DOCK7: variants seen among roughly 807,000 people sequenced by gnomAD.
The protein encoded by DOCK7 is dedicator of cytokinesis 7.
DOCK7 carries 138 observed loss-of-function variants against 271.0 expected under a neutral mutation model. That is an observed-to-expected ratio of 0.51 (90% CI 0.44 to 0.59). The LOEUF (loss-of-function observed/expected upper bound fraction) is 0.59. DOCK7 is among the 20% of genes least tolerant of loss of function. DOCK7 has a pLI of 0.00. For synonymous variants in DOCK7, 823 were observed against 876.1 expected (o/e 0.94, Z 1.07); for missense variants, 2,066 against 2,592.4 (o/e 0.80, Z 4.41).
intron 25 of DOCK7, among the ~76,000 whole-genome samples, chr1:62,540,888 C>A (rs1454187848): frequency 6.6e-6 from 1 of 151,880 alleles, no homozygotes; most frequent in Admixed American, 6.6e-5. Flanking sequence ...CAGAGATGTA[C>A]ATGAATTACG....
intron 1 of DOCK7, among the ~76,000 whole-genome samples, chr1:62,675,563 A>G (rs145293936): frequency 0.037 from 5,669 of 152,232 alleles, 257 homozygotes; most frequent in African/African-American, 0.11. Context: ...CGGGCGGATC[A>G]TGAGGTCAGG....
chr1:62,639,133 T>C (rs1184914102), intron 7 of DOCK7, among the ~76,000 whole-genome samples: 1 of 152,160 alleles, frequency 6.6e-6, no homozygotes, highest in Non-Finnish European at 1.5e-5. Context: ...AGTTTCATAC[T>C]AGTCTTGATA....
In DOCK7 at chr1:62,675,554, G is replaced by A. The variant is rs368175226; in HGVS notation, c.39-12424C>T. Among the ~76,000 whole-genome samples the A allele has an allele frequency of 2.8e-3, 420 of 152,234 alleles. 3 individuals are homozygous for A. Among genetic ancestry groups the A allele is most frequent in the African/African-American group, 9.5e-3 (396 of 41,548 alleles). ...TCCCAGCACTTTGGGAGGCCGAGGC[G>A]GGCGGATCATGAGGTCAGGAGATCA... On this transcript the variant is annotated intron_variant, in intron 1 of 49. Transcript: ENST00000635253.
intron 15 of DOCK7, chr1:62,584,051 C>T: frequency 1.4e-6 from 1 of 715,076 alleles, no homozygotes; most frequent in Non-Finnish European, 1.7e-6. Context: ...GCCATCTTTA[C>T]ATATGCATGA....
chr1:62,555,036 T>G (rs1157093320), intron 21 of DOCK7, among the ~76,000 whole-genome samples: 1 of 152,166 alleles, frequency 6.6e-6, no homozygotes, highest in African/African-American at 2.4e-5. Flanking sequence ...CATACAGACA[T>G]GTATGTGAGT....
At chr1:62,579,923 T>G (rs763874986) in intron 16 of DOCK7, among the ~76,000 whole-genome samples, 23 of 152,200 alleles carry the variant, frequency 1.5e-4, no homozygotes, top group African/African-American at 5.3e-4. Flanking sequence ...AATATCTTGT[T>G]TGACCAAACC....
chr1:62,567,074 C>G lies in DOCK7; in HGVS notation c.2113-5371G>C, dbSNP rs146591438. On this transcript the variant is annotated intron_variant, in intron 18 of 49. Transcript: ENST00000635253. ...AGATGCTGGACAGGATGTGGAGAAACAGGAACACTTTTGCACTGTTGGTGG... is the reference window on the plus strand; with the variant it reads ...AGATGCTGGACAGGATGTGGAGAAAGAGGAACACTTTTGCACTGTTGGTGG... Among the ~76,000 whole-genome samples, 5 of 152,246 alleles carry G rather than the reference C, an allele frequency of 3.3e-5. No homozygotes were observed. The South Asian group carries it at 1.0e-3, about 32-fold the overall frequency.
Position 62,553,394 on chromosome 1 carries a change from G to A in DOCK7, c.2597-493C>T, listed in dbSNP as rs1366532331. ...TTTTTTTTTTTTTTTTTAATAGGCA[G>A]GTGCCATTTTTTTTTTTATTAAGAG... On this transcript the variant is annotated intron_variant, in intron 21 of 49. Coordinates refer to ENST00000635253, the MANE Select transcript of DOCK7 (RefSeq NM_001367561.1). Among the ~76,000 whole-genome samples, 2 of 4,008 alleles carry A rather than the reference G, an allele frequency of 5.0e-4. 1 individual carries two copies. The highest frequency in any genetic ancestry group is 1.1e-3 in the African/African-American group (2 of 1,742). 2.6% of individuals were successfully genotyped at this position (4,008 alleles called of 152,430 possible). A position where few individuals can be genotyped will look rare whatever the true frequency, so the allele number is the denominator to read the frequency against.
intron 2 of DOCK7, among the ~76,000 whole-genome samples, chr1:62,661,959 T>C (rs912752578): frequency 3.3e-5 from 5 of 152,184 alleles, no homozygotes; most frequent in South Asian, 2.1e-4. Context: ...CAAAAATCCA[T>C]ATATTCTAAA....
chr1:62,604,329 C>A, intron 14 of DOCK7: 1 of 1,485,386 alleles, frequency 6.7e-7, no homozygotes, highest in South Asian at 1.2e-5. Flanking sequence ...TTTTAAAAAT[C>A]CGAATCCCAA....
At position 62,662,064 on chromosome 1, in the gene DOCK7, CTGT is replaced by C. The variant is rs1174403826; in HGVS notation, c.144+958_144+960del. Among the ~76,000 whole-genome samples the C allele has an allele frequency of 2.0e-5, 3 of 152,170 alleles. No homozygotes were observed. The South Asian group carries it at 6.2e-4, about 32-fold the overall frequency. On this transcript the variant is annotated intron_variant, in intron 2 of 49. Transcript: ENST00000635253. ...ATTATATCATTATAAGTCGATCAAA[CTGT>C]TATTTCCCAGTTTGTTCAATAACAC... is the stretch of plus-strand genomic sequence containing the variant.
intron 25 of DOCK7, among the ~76,000 whole-genome samples, chr1:62,541,670 C>T (rs573471409): frequency 1.2e-4 from 18 of 152,150 alleles, no homozygotes; most frequent in African/African-American, 4.3e-4. Context: ...GATTATGTTA[C>T]CAGTAAGGCA....
intron 14 of DOCK7, chr1:62,604,685 T>A: frequency 6.2e-7 from 1 of 1,613,124 alleles, no homozygotes; most frequent in Admixed American, 1.7e-5. Flanking sequence ...ATGGTAAATA[T>A]AACAAACCAA....
At chr1:62,598,041 C>A in intron 14 of DOCK7, 1 of 1,585,220 alleles carries the variant, frequency 6.3e-7, no homozygotes, top group East Asian at 2.3e-5. Context: ...TCCAGAACAC[C>A]CAGAAGTAAC....
chr1:62,576,472 G>A (rs1017425960), intron 18 of DOCK7, among the ~76,000 whole-genome samples: 1 of 152,224 alleles, frequency 6.6e-6, no homozygotes, highest in African/African-American at 2.4e-5. Flanking sequence ...GTGAGTGACA[G>A]AGAACAGTGA....
chr1:62,535,448 C>G (rs767544698), intron 29 of DOCK7, 45 bp downstream of exon 29: 14 of 1,572,628 alleles, frequency 8.9e-6, no homozygotes, highest in Middle Eastern at 1.7e-4. Flanking sequence ...GTCCACTGTT[C>G]AAAATCAAAC....
chr1:62,509,176 G>C (rs1269911577), intron 34 of DOCK7, among the ~76,000 whole-genome samples: 2 of 151,920 alleles, frequency 1.3e-5, no homozygotes, highest in Non-Finnish European at 2.9e-5. Flanking sequence ...ATTTGGGCGT[G>C]GTGGTGCACA....
chr1:62,464,607 G>A (rs922070903), intron 48 of DOCK7, among the ~76,000 whole-genome samples: 5 of 151,954 alleles, frequency 3.3e-5, no homozygotes, highest in Non-Finnish European at 7.4e-5. Flanking sequence ...GCTTGAACCC[G>A]GGAGGTAGAG....
At chr1:62,644,242 T>C (rs1361917156) in intron 7 of DOCK7, among the ~76,000 whole-genome samples, 1 of 152,216 alleles carries the variant, frequency 6.6e-6, no homozygotes, top group Non-Finnish European at 1.5e-5. Flanking sequence ...ACTTTTGCCT[T>C]GGAATTTTTT....
Sources: gnomAD v4.1 joint callset for allele counts (sites outside exome capture counted in the v4.1 genomes callset) on GRCh38, gnomAD v4.1.1 for gene constraint, MANE v1.5 for transcripts, NCBI Gene and HGNC (gene_info 2026-07-23, HGNC 2026-07-21) for gene names.